Variants in PSD3 observed in about 807,000 individuals in gnomAD.
PSD3 encodes pleckstrin and Sec7 domain containing 3, also known as PH and SEC7 domain-containing protein 3.
A neutral mutation model predicts 105.5 loss-of-function variants in PSD3; 49 were observed. That is an observed-to-expected ratio of 0.46 (90% CI 0.37 to 0.59). The LOEUF is 0.59. Among genes scored for constraint, PSD3 ranks in the 20% least tolerant of loss-of-function variants. The pLI, the probability that PSD3 is intolerant of heterozygous loss-of-function variation, is 0.00. For missense variants in PSD3, 1,561 were observed against 1,263.8 expected (o/e 1.24, Z -3.57); for synonymous variants, 557 against 457.8 (o/e 1.22, Z -2.77).
intron 10 of PSD3, among the ~76,000 whole-genome samples, chr8:18,643,387 G>A (rs1385729595): frequency 6.6e-6 from 1 of 152,174 alleles, no homozygotes; most frequent in Non-Finnish European, 1.5e-5. Context: ...TTTCATCACA[G>A]TGACCCCAGT....
intron 1 of PSD3, among the ~76,000 whole-genome samples, chr8:18,987,600 T>A (rs1183079662): frequency 1.3e-5 from 2 of 152,024 alleles, no homozygotes; most frequent in Non-Finnish European, 2.9e-5. Flanking sequence ...AGAGGATCAT[T>A]TGAAGCCAGG....
chr8:18,600,326 A>G, intron 12 of PSD3, 38 bp downstream of exon 12: 2 of 1,534,064 alleles, frequency 1.3e-6, no homozygotes, highest in Non-Finnish European at 1.8e-6. Context: ...TAATTATTTC[A>G]TCGAGTTTTG....
intron 4 of PSD3, among the ~76,000 whole-genome samples, chr8:18,822,015 T>C (rs1249740746): frequency 2.0e-5 from 3 of 152,090 alleles, no homozygotes; most frequent in Admixed American, 6.6e-5. Context: ...CTTAGTACCC[T>C]TAGCAAAGAC....
chr8:18,971,731 G>A (rs929515588), intron 1 of PSD3, among the ~76,000 whole-genome samples: 2 of 152,176 alleles, frequency 1.3e-5, no homozygotes, highest in African/African-American at 4.8e-5. Flanking sequence ...CAGGCCAGGT[G>A]CAGTGGCTCA....
chr8:18,866,111 A>G (rs961025165), intron 4 of PSD3, among the ~76,000 whole-genome samples: 2 of 151,768 alleles, frequency 1.3e-5, no homozygotes, highest in Middle Eastern at 3.2e-3. Flanking sequence ...AACAACTTCC[A>G]CTCACCCTAG....
At chr8:19,028,087 A>G (rs1827623047) in intron 1 of PSD3, among the ~76,000 whole-genome samples, 2 of 152,130 alleles carry the variant, frequency 1.3e-5, no homozygotes, top group South Asian at 2.1e-4. Context: ...CCAGCATTCT[A>G]TATTGTGGCC....
intron 15 of PSD3, among the ~76,000 whole-genome samples, chr8:18,555,620 A>T (rs1176001037): frequency 6.6e-6 from 1 of 152,216 alleles, no homozygotes; most frequent in Admixed American, 6.5e-5. Flanking sequence ...ACTGTTTTCA[A>T]CTTGGGTTTA....
intron 9 of PSD3, among the ~76,000 whole-genome samples, chr8:18,657,694 C>T (rs368760754): frequency 7.4e-4 from 113 of 152,238 alleles, no homozygotes; most frequent in African/African-American, 2.3e-3. Flanking sequence ...GGAGGGCTTT[C>T]GTTGGATAAA....
chr8:19,053,672 G>C (rs1586672308), intron 1 of PSD3, among the ~76,000 whole-genome samples: 1 of 152,016 alleles, frequency 6.6e-6, no homozygotes, highest in South Asian at 2.1e-4. Flanking sequence ...GGCGCCTGTA[G>C]TCCCAGCTAC....
intron 1 of PSD3, among the ~76,000 whole-genome samples, chr8:19,050,304 A>T (rs1828478696): frequency 8.3e-6 from 1 of 120,110 alleles, no homozygotes; most frequent in Admixed American, 8.2e-5. Context: ...GCCCATGCCC[A>T]TATCCCCGCC....
intron 15 of PSD3, among the ~76,000 whole-genome samples, chr8:18,549,461 G>T (rs1011256137): frequency 3.3e-5 from 5 of 152,094 alleles, no homozygotes; most frequent in Non-Finnish European, 5.9e-5. Context: ...ACTCACCTCG[G>T]CCTCCCAAAG....
At chr8:18,931,726 C>G (rs914621149) in intron 2 of PSD3, among the ~76,000 whole-genome samples, 5 of 152,220 alleles carry the variant, frequency 3.3e-5, no homozygotes, top group South Asian at 2.1e-4. Flanking sequence ...CTCCTTCCTC[C>G]GTTAGTCATC....
chr8:18,857,052 T>A (rs1816068185), intron 4 of PSD3, among the ~76,000 whole-genome samples: 2 of 152,236 alleles, frequency 1.3e-5, no homozygotes, highest in Non-Finnish European at 2.9e-5. Flanking sequence ...TGATATAGTT[T>A]GGAGGGACTC....
chr8:18,573,600 A>G (rs529746459), intron 13 of PSD3, among the ~76,000 whole-genome samples: 18 of 152,320 alleles, frequency 1.2e-4, no homozygotes, highest in Admixed American at 4.6e-4. Context: ...AATGCACACA[A>G]CTGAACAGTA....
rs570982246 is a variant in PSD3, at chr8:18,683,105, A to C, written c.2173-27420T>G. On this transcript the variant is annotated intron_variant, in intron 9 of 15. Coordinates refer to ENST00000327040, the MANE Select transcript of PSD3 (RefSeq NM_015310.4). ...GCATGTAGTAAATGCCCACTTCACTACGTAATCACTCCCTTCACATTTCAC... is the reference window on the plus strand; with the variant it reads ...GCATGTAGTAAATGCCCACTTCACTCCGTAATCACTCCCTTCACATTTCAC... Among the ~76,000 whole-genome samples, 386 of 152,352 alleles carry C rather than the reference A, an allele frequency of 2.5e-3. 2 individuals carry two copies. Among genetic ancestry groups the C allele is most frequent in the African/African-American group, 8.8e-3 (364 of 41,588 alleles).
At chr8:18,612,321 G>A (rs75866535) in intron 11 of PSD3, among the ~76,000 whole-genome samples, 2 of 151,918 alleles carry the variant, frequency 1.3e-5, no homozygotes, top group African/African-American at 4.8e-5. Context: ...TCATGTATTC[G>A]GAATTTTTTT....
intron 2 of PSD3, among the ~76,000 whole-genome samples, chr8:18,876,195 G>A (rs1314819568): frequency 6.6e-6 from 1 of 152,030 alleles, no homozygotes; most frequent in Non-Finnish European, 1.5e-5. Context: ...CCAAGTAGCT[G>A]GACTACAGGT....
intron 11 of PSD3, among the ~76,000 whole-genome samples, chr8:18,614,605 A>T (rs1805519384): frequency 6.6e-6 from 1 of 152,106 alleles, no homozygotes; most frequent in Non-Finnish European, 1.5e-5. Flanking sequence ...GGGTTAATTA[A>T]AGAATGAACA....
At chr8:18,923,194 GA>G (rs35182969) in intron 2 of PSD3, among the ~76,000 whole-genome samples, 9 of 150,620 alleles carry the variant, frequency 6.0e-5, no homozygotes, top group Middle Eastern at 6.8e-3. Flanking sequence ...GATGAGCTTT[GA>G]AAAAAAAACC....
Sources: gnomAD v4.1 joint callset for allele counts (sites outside exome capture counted in the v4.1 genomes callset) on GRCh38, gnomAD v4.1.1 for gene constraint, MANE v1.5 for transcripts, NCBI Gene and HGNC (gene_info 2026-07-23, HGNC 2026-07-21) for gene names.